The following ENAH variants were observed in gnomAD, a reference collection of about 807,000 sequenced individuals.
The protein encoded by ENAH is ENAH actin regulator.
A neutral mutation model predicts 78.7 loss-of-function variants in ENAH; 23 were observed. That is an observed-to-expected ratio of 0.29 (90% CI 0.21 to 0.41). The LOEUF (loss-of-function observed/expected upper bound fraction) is 0.41, where lower values mean the gene tolerates loss of function less well. ENAH is among the 10% of genes least tolerant of loss of function. ENAH has a pLI of 1.00. For synonymous variants in ENAH, 226 were observed against 241.0 expected (o/e 0.94, Z 0.58); for missense variants, 544 against 691.0 (o/e 0.79, Z 2.39).
At chr1:225,619,722 T>C (rs1656454764) in intron 1 of ENAH, among the ~76,000 whole-genome samples, 1 of 152,150 alleles carries the variant, frequency 6.6e-6, no homozygotes, top group Admixed American at 6.6e-5. Flanking sequence ...CCCTGAATGG[T>C]CTCAGAGAAA....
chr1:225,599,796 T>TAAAAAAAAAA (rs34052384), intron 1 of ENAH, among the ~76,000 whole-genome samples: 2 of 83,006 alleles, frequency 2.4e-5, no homozygotes, highest in African/African-American at 1.1e-4. Flanking sequence ...GACTCCGTCT[T>TAAAAAAAAAA]AAAAAAAAAA....
intron 1 of ENAH, among the ~76,000 whole-genome samples, chr1:225,636,809 ATG>A (rs1388831524): frequency 6.6e-6 from 1 of 152,240 alleles, no homozygotes; most frequent in Non-Finnish European, 1.5e-5. Flanking sequence ...GTTCAGAGAA[ATG>A]TGTCATGAGT....
chr1:225,623,505 T>G (rs1657376152), intron 1 of ENAH, among the ~76,000 whole-genome samples: 1 of 152,058 alleles, frequency 6.6e-6, no homozygotes, highest in Non-Finnish European at 1.5e-5. Flanking sequence ...GTTACACAGG[T>G]ACACTGCATG....
chr1:225,543,162 C>T (rs917431770), intron 3 of ENAH, among the ~76,000 whole-genome samples: 1 of 152,154 alleles, frequency 6.6e-6, no homozygotes, highest in Non-Finnish European at 1.5e-5. Context: ...TAGTTATCTG[C>T]AGAAGAGACT....
chr1:225,624,422 G>A (rs866603001), intron 1 of ENAH, among the ~76,000 whole-genome samples: 30 of 152,120 alleles, frequency 2.0e-4, no homozygotes, highest in African/African-American at 6.0e-4. Flanking sequence ...TCAGAAGTTT[G>A]AGACCAGCCT....
chr1:225,612,805 T>C (rs1171457674), intron 1 of ENAH, among the ~76,000 whole-genome samples: 1 of 150,510 alleles, frequency 6.6e-6, no homozygotes, highest in Non-Finnish European at 1.5e-5. Context: ...AAAAGTTTTA[T>C]ATCCAAAGTG....
intron 1 of ENAH, among the ~76,000 whole-genome samples, chr1:225,608,656 CA>C (rs1294268512): frequency 6.6e-6 from 1 of 151,104 alleles, no homozygotes; most frequent in African/African-American, 2.4e-5. Flanking sequence ...TCTCTACTAA[CA>C]ATACAAAAAT....
At chr1:225,575,818 G>T (rs949139512) in intron 1 of ENAH, among the ~76,000 whole-genome samples, 1 of 152,166 alleles carries the variant, frequency 6.6e-6, no homozygotes, top group African/African-American at 2.4e-5. Context: ...CCCAATTAAA[G>T]ATTTGTGAGA....
chr1:225,615,727 C>T (rs1276648465), intron 1 of ENAH, among the ~76,000 whole-genome samples: 4 of 148,780 alleles, frequency 2.7e-5, no homozygotes, highest in Admixed American at 2.7e-4. Context: ...TGTCTCTGCC[C>T]GACCGCCACC....
At chr1:225,601,434 C>A (rs1305548466) in intron 1 of ENAH, among the ~76,000 whole-genome samples, 1 of 151,342 alleles carries the variant, frequency 6.6e-6, no homozygotes, top group Non-Finnish European at 1.5e-5. Flanking sequence ...AAGAGAATGG[C>A]GTGAACCTGG....
chr1:225,579,258 T>C (rs1286591637), intron 1 of ENAH, among the ~76,000 whole-genome samples: 1 of 152,228 alleles, frequency 6.6e-6, no homozygotes, highest in Non-Finnish European at 1.5e-5. Context: ...CAAAATTACC[T>C]CTTCACATAT....
intron 2 of ENAH, among the ~76,000 whole-genome samples, chr1:225,565,265 A>G (rs962999538): frequency 2.6e-5 from 4 of 151,956 alleles, no homozygotes; most frequent in Non-Finnish European, 5.9e-5. Context: ...GAGAAACCCC[A>G]TCTCTACTAA....
intron 1 of ENAH, among the ~76,000 whole-genome samples, chr1:225,613,136 C>T (rs780605756): frequency 9.9e-5 from 15 of 152,134 alleles, no homozygotes; most frequent in Non-Finnish European, 2.1e-4. Context: ...CATTGCAAGG[C>T]CTTTGGACCT....
intron 1 of ENAH, among the ~76,000 whole-genome samples, chr1:225,580,009 C>T (rs2096807516): frequency 6.6e-6 from 1 of 151,922 alleles, no homozygotes; most frequent in African/African-American, 2.4e-5. Flanking sequence ...AATTTCTCAC[C>T]CTACTGTGTG....
chr1:225,518,758 T>G (rs1487725135), intron 5 of ENAH, among the ~76,000 whole-genome samples: 1 of 152,194 alleles, frequency 6.6e-6, no homozygotes, highest in Non-Finnish European at 1.5e-5. Context: ...TAGAGAATAT[T>G]TCTCTAAAAT....
intron 3 of ENAH, among the ~76,000 whole-genome samples, chr1:225,550,523 A>G (rs1000860566): frequency 2.6e-5 from 4 of 152,244 alleles, no homozygotes; most frequent in African/African-American, 9.7e-5. Context: ...CTGTCACTAT[A>G]AAGTATTTCT....
chr1:225,650,880 T>A (rs1320959789), intron 1 of ENAH, among the ~76,000 whole-genome samples: 22 of 116,272 alleles, frequency 1.9e-4, no homozygotes, highest in Non-Finnish European at 3.2e-4. Flanking sequence ...AAAAAAAAAC[T>A]TTCCCTGTTT....
At chr1:225,507,208 A>G (rs1156707604) in intron 11 of ENAH, among the ~76,000 whole-genome samples, 1 of 152,130 alleles carries the variant, frequency 6.6e-6, no homozygotes, top group Non-Finnish European at 1.5e-5. Context: ...ACTTGATTAC[A>G]CTTACAAGTT....
chr1:225,517,073 G>T, intron 6 of ENAH, 123 bp downstream of exon 6: 2 of 669,908 alleles, frequency 3.0e-6, no homozygotes, highest in Non-Finnish European at 4.5e-6. Flanking sequence ...AAAAAGCATG[G>T]CATTATGGCA....
Sources: gnomAD v4.1 joint callset for allele counts (sites outside exome capture counted in the v4.1 genomes callset) on GRCh38, gnomAD v4.1.1 for gene constraint, MANE v1.5 for transcripts, NCBI Gene and HGNC (gene_info 2026-07-23, HGNC 2026-07-21) for gene names.